ASPH: variants seen among roughly 807,000 people sequenced by gnomAD.
ASPH encodes aspartate beta-hydroxylase.
Under a neutral mutation model 118.4 loss-of-function variants are expected in ASPH, and 100 were observed. The ratio of observed to expected loss-of-function variants is 0.84; its 90% CI spans 0.72 to 1.00. ASPH has a LOEUF of 1.00. Ranked by LOEUF, ASPH falls within the 50% of genes least tolerant of loss-of-function variation. The probability of loss-of-function intolerance (pLI) is 0.00; values close to 1 mark genes in which losing one functional copy is unlikely to be tolerated. For synonymous variants in ASPH, 315 were observed against 325.6 expected, an observed-to-expected ratio of 0.97 and a Z score of 0.35; for missense variants, 920 against 919.5, an observed-to-expected ratio of 1.00 and a Z score of -0.01.
intron 19 of ASPH, among the ~76,000 whole-genome samples, chr8:61,554,715 T>C (rs1827227543): frequency 2.0e-5 from 3 of 152,150 alleles, no homozygotes; most frequent in Admixed American, 1.3e-4. Context: ...TGCTCTGTTT[T>C]TTTTGTTTGT....
intron 24 of ASPH, chr8:61,516,881 A>T (rs1292393479): frequency 6.6e-6 from 1 of 152,234 alleles, no homozygotes; most frequent in Non-Finnish European, 1.5e-5. Flanking sequence ...TCTAACATTC[A>T]TCACGTCCCG....
chr8:61,525,902 C>T (rs1815150064), intron 22 of ASPH, 75 bp downstream of exon 22: 32 of 1,573,508 alleles, frequency 2.0e-5, no homozygotes, highest in Non-Finnish European at 2.8e-5. Flanking sequence ...GGAAGCATCA[C>T]CAGAAGACTC....
Position 61,714,252 on chromosome 8 carries a change from C to T in ASPH, c.103+17G>A, listed in dbSNP as rs1412753573. 2.0e-6 allele frequency: 3 copies of T among 1,482,382 alleles called. No individual in the cohort carries two copies. The highest frequency in any genetic ancestry group is 2.7e-6 in the Non-Finnish European group (3 of 1,119,026). 91.8% of individuals were successfully genotyped at this position (1,482,382 alleles called of 1,614,324 possible). On this transcript the variant is annotated intron_variant, in intron 1 of 24. Coordinates refer to ENST00000379454, the MANE Select transcript of ASPH (RefSeq NM_004318.4). ...CCGAGGCGAGGCCCCAGATCCCCGC[C>T]CCGCAGGGCCTCTGACCTCTCCGGG...
intron 4 of ASPH, among the ~76,000 whole-genome samples, chr8:61,653,043 TA>T (rs1361245559): frequency 6.6e-6 from 1 of 152,208 alleles, no homozygotes; most frequent in Non-Finnish European, 1.5e-5. Flanking sequence ...CTTTCCTACC[TA>T]TAGTCATAGG....
chr8:61,590,272 G>A (rs1256698507), intron 14 of ASPH, among the ~76,000 whole-genome samples: 2 of 152,108 alleles, frequency 1.3e-5, no homozygotes, highest in Non-Finnish European at 2.9e-5. Context: ...TGCTTCAAAA[G>A]CCAGTAGAGT....
chr8:61,703,902 G>A lies in ASPH; in HGVS notation c.103+10367C>T, dbSNP rs576747854. ...ATAGCTAGAGTAATCAAGATTCTGT[G>A]ATAAAGTAAAGGCATAAGGACAAAC... On this transcript the variant is annotated intron_variant, in intron 1 of 24. Transcript: ENST00000379454. 3.3e-5 allele frequency among the ~76,000 whole-genome samples: 5 copies of A among 152,262 alleles called. No individual in the cohort carries two copies. The East Asian group carries it at 9.6e-4, about 29-fold the overall frequency.
intron 14 of ASPH, among the ~76,000 whole-genome samples, chr8:61,616,784 C>A (rs373358502): frequency 2.2e-4 from 33 of 152,318 alleles, no homozygotes; most frequent in African/African-American, 7.7e-4. Flanking sequence ...CTTCTGCCTA[C>A]GGCATGCTCT....
At chr8:61,617,914 C>G in intron 14 of ASPH, among the ~76,000 whole-genome samples, 1 of 116,436 alleles carries the variant, frequency 8.6e-6, no homozygotes, top group East Asian at 2.6e-4. Context: ...GCCTGGGTGA[C>G]ATAGTGAGAC....
chr8:61,580,729 C>G (rs1166213455), intron 15 of ASPH, among the ~76,000 whole-genome samples: 1 of 152,238 alleles, frequency 6.6e-6, no homozygotes, highest in Non-Finnish European at 1.5e-5. Context: ...TCTTTCTCCT[C>G]TGTATGTGCT....
intron 4 of ASPH, among the ~76,000 whole-genome samples, chr8:61,652,272 G>A (rs1249719204): frequency 1.6e-4 from 24 of 152,136 alleles, no homozygotes; most frequent in Non-Finnish European, 3.5e-4. Context: ...TGAGTTACTA[G>A]AAGTGGAGGG....
intron 18 of ASPH, among the ~76,000 whole-genome samples, chr8:61,561,699 G>C (rs1207755356): frequency 6.6e-6 from 1 of 152,172 alleles, no homozygotes; most frequent in Non-Finnish European, 1.5e-5. Flanking sequence ...TGAGGCAGGA[G>C]GGTCACTTGT....
chr8:61,664,448 A>C, intron 3 of ASPH: 1 of 983,474 alleles, frequency 1.0e-6, no homozygotes, highest in Non-Finnish European at 1.2e-6. Context: ...TGTTCTTCTA[A>C]ATACAATTCT....
intron 24 of ASPH, 134 bp downstream of exon 24, chr8:61,517,394 T>C (rs1420090948): frequency 2.3e-6 from 3 of 1,297,082 alleles, no homozygotes; most frequent in East Asian, 2.4e-5. Context: ...ACTTAAGAGT[T>C]TGGATTAATA....
intron 16 of ASPH, among the ~76,000 whole-genome samples, chr8:61,575,388 CCCCT>C (rs1262754668): frequency 1.3e-5 from 2 of 152,124 alleles, no homozygotes; most frequent in East Asian, 3.8e-4. Flanking sequence ...CCACGTCGAC[CCCCT>C]CACATGTCTG....
At chr8:61,597,045 T>C (rs566799188) in intron 14 of ASPH, among the ~76,000 whole-genome samples, 45 of 151,900 alleles carry the variant, frequency 3.0e-4, no homozygotes, top group African/African-American at 1.1e-3. Context: ...GAGAGATAGA[T>C]ACCATTTAAA....
chr8:61,619,535 C>A (rs999447885), intron 13 of ASPH, among the ~76,000 whole-genome samples: 3 of 152,110 alleles, frequency 2.0e-5, no homozygotes, highest in Non-Finnish European at 2.9e-5. Context: ...TGTGCTGAAG[C>A]CCAGATGAGA....
At chr8:61,670,956 A>C (rs1050169423) in intron 3 of ASPH, among the ~76,000 whole-genome samples, 11 of 152,112 alleles carry the variant, frequency 7.2e-5, no homozygotes, top group African/African-American at 2.7e-4. Context: ...AAAGTTTAGA[A>C]TGACTGCTAA....
At chr8:61,544,498 C>T (rs1249745618) in intron 21 of ASPH, among the ~76,000 whole-genome samples, 7 of 152,148 alleles carry the variant, frequency 4.6e-5, no homozygotes, top group Non-Finnish European at 1.0e-4. Flanking sequence ...ATACCTTTGT[C>T]CCTTGCTCCT....
intron 18 of ASPH, among the ~76,000 whole-genome samples, chr8:61,558,614 T>C (rs552401797): frequency 5.9e-5 from 9 of 152,318 alleles, no homozygotes; most frequent in African/African-American, 2.2e-4. Context: ...GGAAAAACAC[T>C]GTCAGGAGGC....
Sources: gnomAD v4.1 joint callset for allele counts (sites outside exome capture counted in the v4.1 genomes callset) on GRCh38, gnomAD v4.1.1 for gene constraint, MANE v1.5 for transcripts, NCBI Gene and HGNC (gene_info 2026-07-23, HGNC 2026-07-21) for gene names.